SBF1: variants seen among roughly 807,000 people sequenced by gnomAD.
SBF1 encodes myotubularin-related protein 5.
A neutral mutation model predicts 215.8 loss-of-function variants in SBF1; 65 were observed. That is an observed-to-expected ratio of 0.30 (90% CI 0.25 to 0.37). SBF1 has a LOEUF of 0.37. Ranked by LOEUF, SBF1 falls within the 10% of genes least tolerant of loss-of-function variation. SBF1 has a pLI of 1.00. For synonymous variants in SBF1, 1,410 were observed against 1,122.8 expected, an observed-to-expected ratio of 1.26 and a Z score of -5.11; for missense variants, 2,634 against 2,667.8, an observed-to-expected ratio of 0.99 and a Z score of 0.28.
At position 50,462,229 on chromosome 22, in the gene SBF1, G is replaced by A. The variant is rs537367489; in HGVS notation, c.2372C>T (p.Ala791Val). Reference protein sequence around the residue: ...ERAGLGDLESASNSLVTNSMA... With the variant: ...ERAGLGDLESVSNSLVTNSMA... ...CCTGTTGGTGACCAGGCTGTTGCTGGCGCTCTCCAGGTCGCCCAGCCCGGC... is the reference window on the plus strand; with the variant it reads ...CCTGTTGGTGACCAGGCTGTTGCTGACGCTCTCCAGGTCGCCCAGCCCGGC... Residue 791 changes from alanine (A) to valine (V), a missense_variant, in exon 19 of 41, where the codon GCC (alanine) becomes GTC (valine). Coordinates refer to ENST00000380817, the MANE Select transcript of SBF1 (RefSeq NM_002972.4). 1 of 1,607,826 alleles carries A rather than the reference G, an allele frequency of 6.2e-7. No homozygotes were observed. Among genetic ancestry groups the A allele is most frequent in the Non-Finnish European group, 8.5e-7 (1 of 1,179,972 alleles).
intron 28 of SBF1, among the ~76,000 whole-genome samples, chr22:50,457,889 A>G (rs1034821547): frequency 3.3e-5 from 5 of 152,216 alleles, no homozygotes; most frequent in East Asian, 3.8e-4. Flanking sequence ...GCACAATGCC[A>G]GCCCAACACG....
At chr22:50,447,935 G>C (rs1245926114) in intron 38 of SBF1, among the ~76,000 whole-genome samples, 5 of 152,230 alleles carry the variant, frequency 3.3e-5, no homozygotes, top group Non-Finnish European at 7.3e-5. Context: ...TACGAGGAGA[G>C]GGATGGCCAG....
chr22:50,461,876 G>C lies in SBF1; in HGVS notation c.2570-7C>G. 2 of 1,614,058 alleles carry C rather than the reference G, an allele frequency of 1.2e-6. No individual in the cohort carries two copies. The highest frequency in any genetic ancestry group is 1.6e-4 in the Middle Eastern group (1 of 6,062). On this transcript the variant is annotated splice_polypyrimidine_tract_variant and splice_region_variant and intron_variant, in intron 20 of 40. Transcript: ENST00000380817. Reference sequence around the variant, plus strand: ...ATGTGCATCTGGACAATGTCTGGGGGAAGACAGTTCTCACACTTTGTGCCC... The same window carrying C: ...ATGTGCATCTGGACAATGTCTGGGGCAAGACAGTTCTCACACTTTGTGCCC...
rs1452939290 is a variant in SBF1 at position 50,462,562 on chromosome 22, G to A, written c.2124C>T (p.Ala708=). 6.2e-7 allele frequency: 1 copy of A among 1,610,688 alleles called. No individual in the cohort carries two copies. Among genetic ancestry groups the A allele is most frequent in the Admixed American group, 1.7e-5 (1 of 59,754 alleles). ...YLEPTEDLAP[A]QEVGEAPSQE... ...AGCCCAGGGAGTCCCTGCGCACCTG[G>A]GCGGGGGCCAGGTCCTCCGTGGGCT... The change falls in exon 18 of 41, where the codon GCC becomes GCT. Residue 708 remains alanine, a synonymous_variant. Transcript: ENST00000380817.
At chr22:50,465,672 G>C (rs1332169859) in intron 10 of SBF1, 91 bp downstream of exon 10, 1 of 1,234,640 alleles carries the variant, frequency 8.1e-7, no homozygotes, top group Non-Finnish European at 1.1e-6. Flanking sequence ...GCCAGCCTGG[G>C]GGTGGGGCCC....
At chr22:50,461,917 AG>A (rs1169338022) in intron 20 of SBF1, 29 bp downstream of exon 20, 21 of 1,613,958 alleles carry the variant, frequency 1.3e-5, no homozygotes, top group Non-Finnish European at 1.7e-5. Context: ...CACCCATCCA[AG>A]GGGGAATCAC....
chr22:50,458,775 A>G (rs1051620244), intron 28 of SBF1, among the ~76,000 whole-genome samples: 1 of 152,176 alleles, frequency 6.6e-6, no homozygotes, highest in African/African-American at 2.4e-5. Context: ...ACCAGGACAC[A>G]CGAGGACAGA....
rs1439257050 is a variant in SBF1 at position 50,474,905 on chromosome 22, G to C, written c.-65C>G. 1 of 1,164,900 alleles carries C rather than the reference G, an allele frequency of 8.6e-7. No homozygotes were observed. The highest frequency in any genetic ancestry group is 1.7e-5 in the African/African-American group (1 of 60,264). 72.2% of individuals were successfully genotyped at this position (1,164,900 alleles called of 1,614,324 possible). A position where few individuals can be genotyped will look rare whatever the true frequency, so the allele number is the denominator to read the frequency against. ...TCCGCGGCTCGGGGACTCGAGGACG[G>C]CGCGCTCATGGCCCGGCCCCGGCCC... On this transcript the variant is annotated 5_prime_UTR_variant, in exon 1 of 41. Transcript: ENST00000380817.
At chr22:50,450,347 C>T (rs1212998128) in intron 36 of SBF1, among the ~76,000 whole-genome samples, 2 of 151,956 alleles carry the variant, frequency 1.3e-5, no homozygotes, top group African/African-American at 4.8e-5. Context: ...ATGGCAAAAC[C>T]CTGTCTCTAC....
rs1464100974 is a variant in SBF1, at chr22:50,465,979, C to T, written c.993G>A (p.Thr331=). The part of the protein sequence containing the change: ...PPLPEPLQSQ[T]HSVLSMVLDP... ...CCCTCACCATGCTCAGCACACTGTG[C>T]GTCTGACTCTGCAGTGGCTCTGGCA... The change falls in exon 9 of 41, where the codon ACG becomes ACA. Residue 331 remains threonine, a synonymous_variant. Transcript: ENST00000380817. 3.1e-6 allele frequency: 5 copies of T among 1,613,854 alleles called. No individual in the cohort carries two copies. Among genetic ancestry groups the T allele is most frequent in the African/African-American group, 2.7e-5 (2 of 75,038 alleles).
At chr22:50,449,689 CAAA>C (rs1413012068) in intron 36 of SBF1, among the ~76,000 whole-genome samples, 2 of 151,018 alleles carry the variant, frequency 1.3e-5, no homozygotes, top group Admixed American at 1.3e-4. Flanking sequence ...TGCTGAAAAA[CAAA>C]GAGAAAAGTC....
Position 50,446,356 on chromosome 22 carries a change from T to TGCCCCCC in SBF1, c.*785_*786insGGGGGGC, listed in dbSNP as rs2066808396. 1 of 35,048 alleles carries TGCCCCCC rather than the reference T, an allele frequency of 2.9e-5. No homozygotes were observed. The highest frequency in any genetic ancestry group is 5.8e-5 in the Non-Finnish European group (1 of 17,172). 2.2% of individuals were successfully genotyped at this position (35,048 alleles called of 1,614,324 possible). ...CCTGCATTCCCCTGGGAGCCCACTG[T>TGCCCCCC]CCCCCCCCCCCCCCCGCCTCCGGCC... On this transcript the variant is annotated 3_prime_UTR_variant, in exon 41 of 41. Coordinates refer to ENST00000380817, the MANE Select transcript of SBF1 (RefSeq NM_002972.4).
In SBF1 at chr22:50,454,704, C is replaced by T. The variant is rs1421116842; in HGVS notation, c.4851G>A (p.Val1617=). 8.3e-6 allele frequency: 13 copies of T among 1,567,984 alleles called. No homozygotes were observed. Among genetic ancestry groups the T allele is most frequent in the African/African-American group, 1.4e-5 (1 of 73,264 alleles). Residue 1617 remains valine, a synonymous_variant, in exon 36 of 41, where the codon GTG becomes GTA. Coordinates refer to ENST00000380817, the MANE Select transcript of SBF1 (RefSeq NM_002972.4). ...GCGTCTCCTCAGTGTAGAAGTCCCA[C>T]ACCTTCAGGTTGGACACGTTGCTGT... ...RPYSNVSNLK[V]WDFYTEETLA...
In SBF1 at chr22:50,467,828, G is replaced by A. The variant is rs759486125; in HGVS notation, c.237C>T (p.Tyr79=). ...VLTDINSERH[Y]CACLTFWEPA... ...GCTCCCAGAAGGTCAAGCAGGCGCA[G>A]TAGTGGCGCTCGGAGTTGATGTCGG... Residue 79 remains tyrosine (Y), a synonymous_variant, in exon 3 of 41, where the codon TAC becomes TAT. Transcript: ENST00000380817. 6 of 1,613,910 alleles carry A rather than the reference G, an allele frequency of 3.7e-6. No homozygotes were observed. In the African/African-American group the frequency reaches 6.7e-5, roughly 18 times the overall value.
intron 5 of SBF1, 59 bp downstream of exon 5, chr22:50,467,279 C>G: frequency 7.0e-7 from 1 of 1,432,648 alleles, no homozygotes. Flanking sequence ...CAAATACCTA[C>G]CAGGGCCCCA....
At position 50,466,091 on chromosome 22, in the gene SBF1, C is replaced by G; in HGVS notation, c.898-17G>C. The G allele has an allele frequency of 6.2e-7, 1 of 1,613,200 alleles. No individual in the cohort carries two copies. The highest frequency in any genetic ancestry group is 8.5e-7 in the Non-Finnish European group (1 of 1,179,710). The stretch of plus-strand genomic sequence containing the variant: ...CACATCGAGCTGCGGACCAAGGGAG[C>G]CGGCAGTCAGGGACCTGCAGGCCTG... On this transcript the variant is annotated splice_polypyrimidine_tract_variant and intron_variant, in intron 8 of 40. Coordinates refer to ENST00000380817, the MANE Select transcript of SBF1 (RefSeq NM_002972.4).
chr22:50,467,274 A>T, intron 5 of SBF1, 64 bp downstream of exon 5: 1 of 1,387,700 alleles, frequency 7.2e-7, no homozygotes, highest in Non-Finnish European at 1.0e-6. Context: ...GGCTCCAAAT[A>T]CCTACCAGGG....
rs1186433839 is a variant in SBF1, at chr22:50,475,027, G to T, written c.-187C>A. 2 of 195,904 alleles carry T rather than the reference G, an allele frequency of 1.0e-5. No homozygotes were observed. The highest frequency in any genetic ancestry group is 1.6e-4 in the East Asian group (1 of 6,150). The allele number at this position is 195,904 out of a possible 1,614,324, so 12.1% of individuals were successfully genotyped here. ...CCCGCCGCCATCTTCCCAGCCAGCC[G>T]GCCCGCCCGGGCGCGCCGTGCGCCT... On this transcript the variant is annotated 5_prime_UTR_variant, in exon 1 of 41. Transcript: ENST00000380817.
chr22:50,468,442 G>C lies in SBF1; in HGVS notation c.75C>G (p.Gly25=). 1 of 1,609,222 alleles carries C rather than the reference G, an allele frequency of 6.2e-7. No individual in the cohort carries two copies. The highest frequency in any genetic ancestry group is 8.5e-7 in the Non-Finnish European group (1 of 1,177,500). ...TCTCTGGGAAGCGCTGCAGAATCTG[G>C]CCCTGGCCTTCCCCACTCCCTGAGG... The part of the protein sequence containing the change: ...PHPRGSGEGQ[G]QILQRFPEKD... Residue 25 remains glycine (G), a synonymous_variant, in exon 2 of 41, where the codon GGC becomes GGG. Transcript: ENST00000380817.
Sources: allele counts gnomAD v4.1 joint callset (sites outside exome capture counted in the v4.1 genomes callset), GRCh38; gene constraint gnomAD v4.1.1; transcripts MANE v1.5; gene names NCBI Gene and HGNC (gene_info 2026-07-23, HGNC 2026-07-21).